PRSS23: variants seen among roughly 807,000 people sequenced by gnomAD.
PRSS23 encodes protease, serine 23.
Under a neutral mutation model 34.7 loss-of-function variants are expected in PRSS23, and 25 were observed. The ratio of observed to expected loss-of-function variants is 0.72; its 90% CI spans 0.53 to 1.01. The LOEUF is 1.01. Among genes scored for constraint, PRSS23 ranks in the 50% least tolerant of loss-of-function variants. PRSS23 has a pLI of 0.00. For synonymous variants in PRSS23, 176 were observed against 186.6 expected (o/e 0.94, Z 0.46); for missense variants, 445 against 475.6 (o/e 0.94, Z 0.60).
intron 2 of PRSS23, among the ~76,000 whole-genome samples, chr11:86,851,174 A>T (rs1455721523): frequency 6.6e-6 from 1 of 152,242 alleles, no homozygotes; most frequent in Non-Finnish European, 1.5e-5. Flanking sequence ...AAAAGTTGTA[A>T]GCAGAGGTCA....
chr11:86,873,112 C>G lies in PRSS23; in HGVS notation c.206+49519C>G, dbSNP rs1342671429. On this transcript the variant is annotated intron_variant, in intron 2 of 2. Coordinates refer to the PRSS23 transcript ENST00000533902. ...CCACCTATGATATTGTCTATCCAAC[C>G]CCCTCTGTCCATTTGAGAATAGTTC... Among the ~76,000 whole-genome samples, 5 of 151,454 alleles carry G rather than the reference C, an allele frequency of 3.3e-5. No individual in the cohort carries two copies. In the Admixed American group the frequency reaches 3.3e-4, roughly 10 times the overall value.
chr11:86,826,637 G>A (rs544485815), intron 2 of PRSS23, among the ~76,000 whole-genome samples: 132 of 152,272 alleles, frequency 8.7e-4, no homozygotes, highest in African/African-American at 2.9e-3. Flanking sequence ...GTTTGTCATA[G>A]ATAGCTCTTA....
At chr11:86,819,366 A>G (rs1335079662) in intron 1 of PRSS23, among the ~76,000 whole-genome samples, 1 of 152,220 alleles carries the variant, frequency 6.6e-6, no homozygotes, top group East Asian at 1.9e-4. Flanking sequence ...ATAAGAAAAA[A>G]GCCAATTATT....
At chr11:86,806,016 A>G (rs753883235) in intron 1 of PRSS23, among the ~76,000 whole-genome samples, 5 of 152,226 alleles carry the variant, frequency 3.3e-5, no homozygotes, top group Admixed American at 6.5e-5. Flanking sequence ...AGTCAGAGCC[A>G]CTGAGAGCCA....
chr11:86,844,213 G>C (rs922656011), intron 2 of PRSS23, among the ~76,000 whole-genome samples: 2 of 152,180 alleles, frequency 1.3e-5, no homozygotes, highest in African/African-American at 4.8e-5. Flanking sequence ...GTTGAACAAT[G>C]AGAACACATG....
chr11:86,793,756 TTAAA>T, intron 1 of PRSS23, among the ~76,000 whole-genome samples: 1 of 152,268 alleles, frequency 6.6e-6, no homozygotes, highest in Admixed American at 6.5e-5. Flanking sequence ...TAAATTAACA[TTAAA>T]TAAGCCTTTA....
At chr11:86,886,575 A>C (rs1288084568) in intron 2 of PRSS23, among the ~76,000 whole-genome samples, 1 of 152,226 alleles carries the variant, frequency 6.6e-6, no homozygotes, top group Non-Finnish European at 1.5e-5. Context: ...TCTGCATCTT[A>C]GAATTTGTCT....
chr11:86,867,176 C>T (rs1195951114), intron 2 of PRSS23, among the ~76,000 whole-genome samples: 2 of 152,236 alleles, frequency 1.3e-5, no homozygotes, highest in African/African-American at 2.4e-5. Context: ...TAACCTCACT[C>T]TTACCATCTG....
intron 2 of PRSS23, among the ~76,000 whole-genome samples, chr11:86,836,207 C>T (rs1009843560): frequency 1.1e-4 from 17 of 152,060 alleles, no homozygotes; most frequent in African/African-American, 2.7e-4. Flanking sequence ...CTCCACTGTC[C>T]GTTGGGTTTC....
At chr11:86,898,238 C>T (rs969113443) in intron 2 of PRSS23, among the ~76,000 whole-genome samples, 2 of 152,162 alleles carry the variant, frequency 1.3e-5, no homozygotes, top group African/African-American at 4.8e-5. Flanking sequence ...AGGGTTTTCA[C>T]CTCTATTTCC....
chr11:86,844,176 A>C (rs1165018733), intron 2 of PRSS23, among the ~76,000 whole-genome samples: 2 of 152,226 alleles, frequency 1.3e-5, no homozygotes, highest in Non-Finnish European at 2.9e-5. Flanking sequence ...AGAAAACCAA[A>C]CACCACAAGT....
intron 1 of PRSS23, among the ~76,000 whole-genome samples, chr11:86,816,985 A>G (rs1948219029): frequency 6.6e-6 from 1 of 152,258 alleles, no homozygotes; most frequent in Non-Finnish European, 1.5e-5. Flanking sequence ...ATTATTTATA[A>G]GACCCACTTT....
Position 86,870,262 on chromosome 11 carries a change from AAAC to A in PRSS23, c.206+46678_206+46680del, listed in dbSNP as rs5793219. On this transcript the variant is annotated intron_variant, in intron 2 of 2. Transcript: ENST00000533902. ...TTTTTTTTTTTTAAGGGAGGGGAAA[AAAC>A]AACAACAAAACCTACCAGAGCTGAA... Among the ~76,000 whole-genome samples the A allele has an allele frequency of 1.8e-3, 277 of 150,820 alleles. 2 individuals are homozygous for A. Among genetic ancestry groups the A allele is most frequent in the African/African-American group, 6.2e-3 (255 of 40,900 alleles).
At chr11:86,917,052 G>A (rs778355259) in intron 2 of PRSS23, among the ~76,000 whole-genome samples, 21 of 152,204 alleles carry the variant, frequency 1.4e-4, no homozygotes, top group Admixed American at 7.2e-4. Context: ...GGGCGCGGTC[G>A]CTCACGCCTG....
intron 2 of PRSS23, chr11:86,947,889 C>T (rs1269894837): frequency 6.6e-6 from 1 of 152,224 alleles, no homozygotes; most frequent in African/African-American, 2.4e-5. Context: ...TACAATCATA[C>T]CCATTTACTG....
At chr11:86,883,739 C>T (rs1194071027) in intron 2 of PRSS23, among the ~76,000 whole-genome samples, 1 of 152,140 alleles carries the variant, frequency 6.6e-6, no homozygotes, top group Non-Finnish European at 1.5e-5. Context: ...CCAAGCATTG[C>T]TTTTGTGTAT....
intron 2 of PRSS23, chr11:86,947,222 CA>C (rs1949251333): frequency 1.2e-5 from 2 of 167,302 alleles, no homozygotes; most frequent in Non-Finnish European, 1.3e-5. Context: ...AACAAACAAA[CA>C]AACAAACAAA....
At chr11:86,880,316 C>G (rs983229402) in intron 2 of PRSS23, among the ~76,000 whole-genome samples, 1 of 150,278 alleles carries the variant, frequency 6.7e-6, no homozygotes, top group Non-Finnish European at 1.5e-5. Flanking sequence ...TGCGGAAGGC[C>G]GCAGGGTCCT....
intron 2 of PRSS23, among the ~76,000 whole-genome samples, chr11:86,823,875 G>A (rs1420513382): frequency 1.3e-5 from 2 of 150,368 alleles, no homozygotes; most frequent in African/African-American, 4.9e-5. Context: ...GCGTGGTAGC[G>A]GGCGCCTGTA....
Sources: gnomAD v4.1 joint callset for allele counts (sites outside exome capture counted in the v4.1 genomes callset) on GRCh38, gnomAD v4.1.1 for gene constraint, MANE v1.5 for transcripts, NCBI Gene and HGNC (gene_info 2026-07-23, HGNC 2026-07-21) for gene names.